The following C17orf78 variants were observed in gnomAD, a reference collection of about 807,000 sequenced individuals.
C17orf78 encodes the protein chromosome 17 open reading frame 78.
A neutral mutation model predicts 31.8 loss-of-function variants in C17orf78; 27 were observed. The observed-to-expected ratio is 0.85, with a 90% CI of 0.63 to 1.17. The LOEUF (loss-of-function observed/expected upper bound fraction) is 1.17, where lower values mean the gene tolerates loss of function less well. Ranked by LOEUF, C17orf78 falls within the 50% of genes most tolerant of loss-of-function variation. The pLI, the probability that C17orf78 is intolerant of heterozygous loss-of-function variation, is 0.00. For synonymous variants in C17orf78, 106 were observed against 115.1 expected (o/e 0.92, Z 0.51); for missense variants, 258 against 315.2 (o/e 0.82, Z 1.37).
chr17:37,390,140 GTATATATATATATATATATA>G (rs1243535532), intron 6 of C17orf78, among the ~76,000 whole-genome samples: 13 of 34,630 alleles, frequency 3.8e-4, no homozygotes, highest in Admixed American at 2.9e-3. Flanking sequence ...AAAAAAAAAA[GTATATATATATATATATATA>G]TATATATATA....
At chr17:37,390,334 A>ATATATATATATCTAT (rs2050822111) in intron 6 of C17orf78, among the ~76,000 whole-genome samples, 2 of 93,414 alleles carry the variant, frequency 2.1e-5, no homozygotes, top group African/African-American at 4.5e-5. Flanking sequence ...ATATATATAT[A>ATATATATATATCTAT]AAAGGCCAGC....
rs750590762 is a variant in C17orf78, at chr17:37,379,362, G to T, written c.371G>T (p.Gly124Val). Residue 124 changes from glycine to valine, a missense_variant, in exon 3 of 7, where the codon GGA (glycine) becomes GTA (valine). Physicochemically the swap from Gly to Val is moderately radical, Grantham distance 109. Coordinates refer to ENST00000615133, the MANE Select transcript of C17orf78 (RefSeq NM_173625.5). The part of the protein sequence containing the change: ...HLIPTSKFQT[G>V]SLLKGKAFLP... ...ATCCCCACATCCAAGTTTCAGACTGGATCTCTTCTAAAAGGCAAAGGTGAG... is the reference window on the plus strand; with the variant it reads ...ATCCCCACATCCAAGTTTCAGACTGTATCTCTTCTAAAAGGCAAAGGTGAG... 7 of 1,613,926 alleles carry T rather than the reference G, an allele frequency of 4.3e-6. No individual in the cohort carries two copies. The highest frequency in any genetic ancestry group is 1.1e-5 in the South Asian group (1 of 91,076).
chr17:37,379,071 C>CA (rs34928391), intron 2 of C17orf78, 66 bp from the exon 3 acceptor site: 2 of 1,519,520 alleles, frequency 1.3e-6, no homozygotes, highest in Admixed American at 2.2e-5. Context: ...GGCACCGTCT[C>CA]AAAAAAACCA....
At chr17:37,384,612 G>T (rs1323734158) in intron 3 of C17orf78, among the ~76,000 whole-genome samples, 1 of 150,926 alleles carries the variant, frequency 6.6e-6, no homozygotes, top group Non-Finnish European at 1.5e-5. Context: ...AGTGAGATTT[G>T]TTTATTTTTA....
intron 5 of C17orf78, 147 bp downstream of exon 5, chr17:37,388,941 A>G: frequency 8.8e-7 from 1 of 1,136,182 alleles, no homozygotes; most frequent in Non-Finnish European, 1.2e-6. Context: ...TGGTGTTGGG[A>G]AAGTTGCTTG....
At chr17:37,382,652 G>T (rs1022252198) in intron 3 of C17orf78, among the ~76,000 whole-genome samples, 1 of 152,146 alleles carries the variant, frequency 6.6e-6, no homozygotes, top group African/African-American at 2.4e-5. Flanking sequence ...ATGAGGTCAA[G>T]AGATCAGGAC....
At chr17:37,379,033 C>A in intron 2 of C17orf78, 104 bp from the exon 3 acceptor site, 1 of 1,351,120 alleles carries the variant, frequency 7.4e-7, no homozygotes, top group Non-Finnish European at 9.9e-7. Context: ...GATTGCGACA[C>A]TGCACTCCAG....
chr17:37,381,829 G>GT (rs1188547154), intron 3 of C17orf78, among the ~76,000 whole-genome samples: 6 of 150,828 alleles, frequency 4.0e-5, no homozygotes, highest in East Asian at 2.0e-4. Flanking sequence ...GGGTTTCACC[G>GT]TGTTGGCCAG....
intron 4 of C17orf78, 29 bp downstream of exon 4, chr17:37,386,154 G>T: frequency 7.1e-7 from 1 of 1,407,316 alleles, no homozygotes; most frequent in Non-Finnish European, 9.9e-7. Context: ...AAATGACAAA[G>T]TACAGAATAA....
intron 6 of C17orf78, among the ~76,000 whole-genome samples, chr17:37,390,307 TATATA>T (rs1294538586): frequency 2.3e-5 from 1 of 42,952 alleles, no homozygotes; most frequent in Admixed American, 4.7e-4. Context: ...TACATAATTA[TATATA>T]TATATATATA....
In C17orf78 at chr17:37,379,239, A is replaced by G; in HGVS notation, c.248A>G (p.Tyr83Cys). 2 of 1,613,996 alleles carry G rather than the reference A, an allele frequency of 1.2e-6. No individual in the cohort carries two copies. Among genetic ancestry groups the G allele is most frequent in the Non-Finnish European group, 1.7e-6 (2 of 1,179,886 alleles). ...AGCAAAGTAAAAGTCAACCTTGTAT[A>G]TTTGGAGAGAAGGCCAAAGGTCAAG... Reference protein sequence around the residue: ...SDSKVKVNLVYLERRPKVKHI... With the variant: ...SDSKVKVNLVCLERRPKVKHI... The change falls in exon 3 of 7, where the codon TAT becomes TGT. Residue 83 changes from tyrosine to cysteine, a missense_variant. Physicochemically the swap from Tyr to Cys is radical, Grantham distance 194 (BLOSUM62 -2). Transcript: ENST00000615133.
At position 37,390,330 on chromosome 17, in the gene C17orf78, A is replaced by ATCTATATCTATATC. The variant is rs1555672372; in HGVS notation, c.750+969_750+970insCTATATCTATATCT. On this transcript the variant is annotated intron_variant, in intron 6 of 6. Coordinates refer to ENST00000615133, the MANE Select transcript of C17orf78 (RefSeq NM_173625.5). ...TATATATATATATATATATATATATATATAAAAGGCCAGCTGGGCCGGGCA... is the reference window on the plus strand; with the variant it reads ...TATATATATATATATATATATATATATCTATATCTATATCTATAAAAGGCCAGCTGGGCCGGGCA... Among the ~76,000 whole-genome samples, 16 of 41,582 alleles carry ATCTATATCTATATC rather than the reference A, an allele frequency of 3.8e-4. 2 individuals are homozygous for ATCTATATCTATATC. The highest frequency in any genetic ancestry group is 1.9e-3 in the African/African-American group (15 of 7,842). The allele number at this position is 41,582 out of a possible 152,430, so 27.3% of individuals were successfully genotyped here.
In C17orf78 at chr17:37,392,332, T is replaced by C. The variant is rs2050918032; in HGVS notation, c.*608T>C. The C allele has an allele frequency of 6.6e-6, 1 of 152,314 alleles. No individual in the cohort carries two copies. Among genetic ancestry groups the C allele is most frequent in the South Asian group, 2.1e-4 (1 of 4,840 alleles). The allele number at this position is 152,314 out of a possible 1,614,324, so 9.4% of individuals were successfully genotyped here. On this transcript the variant is annotated 3_prime_UTR_variant, in exon 7 of 7. Transcript: ENST00000615133. ...GTACCCAAGTGAAGTCTTCTGACGA[T>C]CCAGAATTCCTAAGGTGGCTCTGAT...
intron 6 of C17orf78, among the ~76,000 whole-genome samples, chr17:37,391,418 C>A (rs2050879840): frequency 1.3e-5 from 2 of 152,102 alleles, no homozygotes; most frequent in Non-Finnish European, 1.5e-5. Flanking sequence ...TGATCCAGAT[C>A]TTTTAATTAC....
At chr17:37,389,045 C>G (rs1182094808) in intron 5 of C17orf78, among the ~76,000 whole-genome samples, 1 of 152,192 alleles carries the variant, frequency 6.6e-6, no homozygotes, top group Non-Finnish European at 1.5e-5. Flanking sequence ...GTGTGAAAGG[C>G]ACCTGGCACA....
chr17:37,385,698 T>A (rs1343338207), intron 3 of C17orf78, among the ~76,000 whole-genome samples: 1 of 152,210 alleles, frequency 6.6e-6, no homozygotes, highest in Non-Finnish European at 1.5e-5. Flanking sequence ...CAACAGTTTT[T>A]ATGGCCTTCA....
intron 5 of C17orf78, 138 bp downstream of exon 5, chr17:37,388,932 G>T: frequency 8.4e-7 from 1 of 1,197,214 alleles, no homozygotes; most frequent in Non-Finnish European, 1.2e-6. Flanking sequence ...CTAGCTGAGT[G>T]GTGTTGGGAA....
rs577288694 is a variant in C17orf78 at position 37,381,778 on chromosome 17, C to T, written c.391+2396C>T. 1.3e-4 allele frequency among the ~76,000 whole-genome samples: 19 copies of T among 151,848 alleles called. No homozygotes were observed. The South Asian group carries it at 3.7e-3, about 30-fold the overall frequency. On this transcript the variant is annotated intron_variant, in intron 3 of 6. Coordinates refer to ENST00000615133, the MANE Select transcript of C17orf78 (RefSeq NM_173625.5). ...GAGTAGCTGGGACTACAGGCACTCG[C>T]CACCACACCCAGTTAATTTTTTGTA...
intron 4 of C17orf78, 64 bp from the exon 5 acceptor site, chr17:37,388,606 G>T: frequency 6.5e-7 from 1 of 1,539,860 alleles, no homozygotes. Context: ...TCAGGTCAAA[G>T]GATCAATCTC....
Sources: allele counts gnomAD v4.1 joint callset (sites outside exome capture counted in the v4.1 genomes callset), GRCh38; gene constraint gnomAD v4.1.1; transcripts MANE v1.5; gene names NCBI Gene and HGNC (gene_info 2026-07-23, HGNC 2026-07-21).